ANKRD12: variants seen among roughly 807,000 people sequenced by gnomAD.
ANKRD12 encodes ankyrin repeat domain 12.
Under a neutral mutation model 183.4 loss-of-function variants are expected in ANKRD12, and 85 were observed. The ratio of observed to expected loss-of-function variants is 0.46; its 90% CI spans 0.39 to 0.56. The LOEUF is 0.56. Ranked by LOEUF, ANKRD12 falls within the 20% of genes least tolerant of loss-of-function variation. ANKRD12 has a pLI of 0.00. For synonymous variants in ANKRD12, 914 were observed against 800.2 expected, an observed-to-expected ratio of 1.14 and a Z score of -2.40; for missense variants, 2,405 against 2,357.1, an observed-to-expected ratio of 1.02 and a Z score of -0.42.
At chr18:9,205,256 A>C (rs1321036297) in intron 4 of ANKRD12, among the ~76,000 whole-genome samples, 1 of 3,462 alleles carries the variant, frequency 2.9e-4, no homozygotes, top group Non-Finnish European at 4.5e-4. Context: ...TAATTAGTTA[A>C]ATGTTTTTGA....
chr18:9,231,288 G>A (rs1440877729), intron 8 of ANKRD12, among the ~76,000 whole-genome samples: 2 of 152,112 alleles, frequency 1.3e-5, no homozygotes, highest in African/African-American at 4.8e-5. Context: ...TCCAGTATAA[G>A]TCCAGTGTTT....
In ANKRD12 at chr18:9,215,459, T is replaced by C. The variant is rs115912959; in HGVS notation, c.653-1299T>C. ...CTTTGCCAGGAAGGAGGCTGTCTTT[T>C]AGTGTCCTCTGGCCTCCCAGAACCA... On this transcript the variant is annotated intron_variant, in intron 6 of 12. Transcript: ENST00000262126. Among the ~76,000 whole-genome samples the C allele has an allele frequency of 9.7e-4, 148 of 152,220 alleles. 1 individual carries two copies. The highest frequency in any genetic ancestry group is 3.4e-3 in the African/African-American group (141 of 41,552).
chr18:9,169,450 G>C (rs368758774), intron 1 of ANKRD12, among the ~76,000 whole-genome samples: 37 of 152,096 alleles, frequency 2.4e-4, no homozygotes, highest in Middle Eastern at 3.4e-3. Flanking sequence ...TGAATTGATC[G>C]CTTTACCATT....
intron 8 of ANKRD12, among the ~76,000 whole-genome samples, chr18:9,253,046 G>A (rs1039750107): frequency 6.6e-6 from 1 of 152,022 alleles, no homozygotes; most frequent in Non-Finnish European, 1.5e-5. Flanking sequence ...ATATAAATAT[G>A]TGTATTTTTG....
chr18:9,200,662 T>A (rs1421634306), intron 3 of ANKRD12: 4 of 152,236 alleles, frequency 2.6e-5, no homozygotes, highest in Non-Finnish European at 5.9e-5. Flanking sequence ...CCAGCTTCCT[T>A]ATCTGTAAAA....
chr18:9,222,150 G>T, intron 8 of ANKRD12, 151 bp downstream of exon 8: 1 of 945,636 alleles, frequency 1.1e-6, no homozygotes, highest in Non-Finnish European at 1.6e-6. Context: ...TAAGAATGAT[G>T]AAGTTAGTAA....
At chr18:9,261,264 T>G (rs1031751540) in intron 9 of ANKRD12, among the ~76,000 whole-genome samples, 1 of 152,224 alleles carries the variant, frequency 6.6e-6, no homozygotes, top group Non-Finnish European at 1.5e-5. Context: ...AGCATGTTAT[T>G]TAAATGCCTC....
At chr18:9,230,721 C>T (rs113170458) in intron 8 of ANKRD12, among the ~76,000 whole-genome samples, 181 of 151,718 alleles carry the variant, frequency 1.2e-3, no homozygotes, top group African/African-American at 4.2e-3. Context: ...TGCAGTGGCA[C>T]GATCTCGGCT....
At chr18:9,223,053 A>G (rs181570252) in intron 8 of ANKRD12, among the ~76,000 whole-genome samples, 27 of 152,346 alleles carry the variant, frequency 1.8e-4, no homozygotes, top group African/African-American at 6.3e-4. Context: ...AAAAATGAAA[A>G]AATTTAATTA....
chr18:9,149,474 A>G (rs566330220), intron 1 of ANKRD12, among the ~76,000 whole-genome samples: 11 of 152,334 alleles, frequency 7.2e-5, no homozygotes, highest in South Asian at 2.1e-4. Flanking sequence ...GATAAAGAAT[A>G]GTAGAATTTT....
intron 10 of ANKRD12, among the ~76,000 whole-genome samples, chr18:9,264,124 CTTG>C (rs1431567583): frequency 1.3e-5 from 2 of 152,084 alleles, no homozygotes; most frequent in Non-Finnish European, 2.9e-5. Flanking sequence ...CTAATAACTT[CTTG>C]TTATTTGTTG....
At position 9,221,904 on chromosome 18, in the gene ANKRD12, A is replaced by G. The variant is rs1298160489; in HGVS notation, c.848A>G (p.His283Arg). ...GGAAATCCATTTCAAGCTAATAAACATGGGGAGCGTCCAGTGGATGTAGCA... is the reference window on the plus strand; with the variant it reads ...GGAAATCCATTTCAAGCTAATAAACGTGGGGAGCGTCCAGTGGATGTAGCA... ...HGGNPFQANKHGERPVDVAET... is the reference protein window; with the variant it reads ...HGGNPFQANKRGERPVDVAET... Residue 283 changes from histidine to arginine, a missense_variant, in exon 8 of 13, where the codon CAT (histidine) becomes CGT (arginine). Physicochemically the swap from His to Arg is conservative, Grantham distance 29. This residue lies in a region of ANKRD12 where 40 missense variants were observed against 54.2 expected (regional missense o/e 0.74). Transcript: ENST00000262126. 1.9e-6 allele frequency: 3 copies of G among 1,614,052 alleles called. No homozygotes were observed. Among genetic ancestry groups the G allele is most frequent in the Non-Finnish European group, 2.5e-6 (3 of 1,179,940 alleles).
In ANKRD12 at chr18:9,263,768, CTA is replaced by C. The variant is rs567124686; in HGVS notation, c.5665-14_5665-13del. On this transcript the variant is annotated intron_variant, in intron 9 of 12. Coordinates refer to ENST00000262126, the MANE Select transcript of ANKRD12 (RefSeq NM_015208.5). ...TGTAAATAAAACCTAATATTTTAAA[CTA>C]TATATATCTTTTTAATTAGATTACA... 2.4e-3 allele frequency: 3,544 copies of C among 1,466,654 alleles called. 8 individuals are homozygous for C. The highest frequency in any genetic ancestry group is 2.9e-3 in the Non-Finnish European group (3,159 of 1,095,960). 90.9% of individuals were successfully genotyped at this position (1,466,654 alleles called of 1,614,324 possible).
chr18:9,262,188 T>C (rs1158420965), intron 9 of ANKRD12, among the ~76,000 whole-genome samples: 1 of 152,196 alleles, frequency 6.6e-6, no homozygotes, highest in African/African-American at 2.4e-5. Flanking sequence ...TCAAGAACTT[T>C]TCATATATGG....
intron 1 of ANKRD12, among the ~76,000 whole-genome samples, chr18:9,166,958 A>G (rs2032136670): frequency 6.6e-6 from 1 of 152,176 alleles, no homozygotes; most frequent in Non-Finnish European, 1.5e-5. Context: ...TCCCAGCACC[A>G]TTTATTAAAT....
intron 1 of ANKRD12, among the ~76,000 whole-genome samples, chr18:9,155,264 T>A (rs2030233424): frequency 6.6e-6 from 1 of 152,212 alleles, no homozygotes; most frequent in Admixed American, 6.5e-5. Context: ...TTGTACATTT[T>A]TAAGTAACTA....
chr18:9,202,256 C>T (rs2035215498), intron 3 of ANKRD12, among the ~76,000 whole-genome samples: 2 of 152,166 alleles, frequency 1.3e-5, no homozygotes, highest in Non-Finnish European at 2.9e-5. Context: ...TGCCAGCCAG[C>T]CTTAGTTCTA....
At chr18:9,220,016 T>C (rs1244906413) in intron 7 of ANKRD12, among the ~76,000 whole-genome samples, 6 of 152,224 alleles carry the variant, frequency 3.9e-5, no homozygotes, top group Non-Finnish European at 8.8e-5. Flanking sequence ...TGTAATTTGA[T>C]AAAAATTAAA....
At chr18:9,200,358 A>G (rs1481848988) in intron 3 of ANKRD12, among the ~76,000 whole-genome samples, 3 of 152,132 alleles carry the variant, frequency 2.0e-5, no homozygotes, top group Non-Finnish European at 2.9e-5. Context: ...ATTCCCATAA[A>G]TTTTGTCCTG....
Sources: gnomAD v4.1 joint callset for allele counts (sites outside exome capture counted in the v4.1 genomes callset) on GRCh38, gnomAD v4.1.1 for gene constraint, gnomAD v4.1.1 regional missense constraint, MANE v1.5 for transcripts, NCBI Gene and HGNC (gene_info 2026-07-23, HGNC 2026-07-21) for gene names.